Variants in ELL2 observed in about 807,000 individuals in gnomAD.
The protein encoded by ELL2 is elongation factor for RNA polymerase II 2.
In ELL2, 21 loss-of-function variants were observed where a neutral mutation model predicts 72.8. The observed-to-expected ratio is 0.29, with a 90% CI of 0.20 to 0.42. ELL2 has a LOEUF of 0.42. Among genes scored for constraint, ELL2 ranks in the 10% least tolerant of loss-of-function variants. The pLI, the probability that ELL2 is intolerant of heterozygous loss-of-function variation, is 1.00. For missense variants in ELL2, 568 were observed against 772.8 expected (o/e 0.73, Z 3.14); for synonymous variants, 266 against 283.2 (o/e 0.94, Z 0.61).
chr5:95,956,901 T>A (rs907795697), intron 1 of ELL2, among the ~76,000 whole-genome samples: 2 of 152,202 alleles, frequency 1.3e-5, no homozygotes, highest in African/African-American at 2.4e-5. Context: ...AAAAACATTA[T>A]CACTTTCCTA....
At chr5:95,951,317 C>T (rs993876081) in intron 1 of ELL2, among the ~76,000 whole-genome samples, 3 of 151,678 alleles carry the variant, frequency 2.0e-5, no homozygotes, top group Non-Finnish European at 1.5e-5. Flanking sequence ...TGCAGTAAGC[C>T]GAGATTGTGC....
intron 1 of ELL2, among the ~76,000 whole-genome samples, chr5:95,948,110 T>C (rs956582394): frequency 3.3e-5 from 5 of 152,104 alleles, no homozygotes; most frequent in African/African-American, 9.7e-5. Flanking sequence ...GAAAAGAACA[T>C]GTTAACTAGG....
At chr5:95,889,249 A>C in intron 10 of ELL2, 119 bp from the exon 11 acceptor site, 1 of 836,330 alleles carries the variant, frequency 1.2e-6, no homozygotes, top group Non-Finnish European at 1.8e-6. Flanking sequence ...ATGTAACTTG[A>C]AACAATCTTT....
intron 5 of ELL2, among the ~76,000 whole-genome samples, chr5:95,901,434 G>A (rs755517334): frequency 8.5e-5 from 13 of 152,116 alleles, no homozygotes; most frequent in Admixed American, 4.6e-4. Context: ...ATCTTCAAAG[G>A]ATACACTCAA....
intron 1 of ELL2, among the ~76,000 whole-genome samples, chr5:95,943,906 T>C (rs1447407891): frequency 6.6e-6 from 1 of 152,222 alleles, no homozygotes; most frequent in East Asian, 1.9e-4. Context: ...CACCAGCATA[T>C]TTTTCTATGG....
intron 3 of ELL2, among the ~76,000 whole-genome samples, chr5:95,916,820 G>T (rs80170957): frequency 0.014 from 2,199 of 151,886 alleles, 24 homozygotes; most frequent in Admixed American, 0.021. Flanking sequence ...GTGGGAGAGA[G>T]GGGGGAGAGT....
At chr5:95,958,473 A>T (rs910090991) in intron 1 of ELL2, among the ~76,000 whole-genome samples, 4 of 152,222 alleles carry the variant, frequency 2.6e-5, no homozygotes, top group African/African-American at 7.2e-5. Flanking sequence ...CCAACGGTAC[A>T]TTCAGTCACC....
intron 1 of ELL2, among the ~76,000 whole-genome samples, chr5:95,958,816 A>C (rs918959181): frequency 6.6e-6 from 1 of 152,184 alleles, no homozygotes; most frequent in Admixed American, 6.5e-5. Flanking sequence ...CAGACCCATA[A>C]ATGGGCATGT....
chr5:95,958,716 A>G (rs1275947369), intron 1 of ELL2, among the ~76,000 whole-genome samples: 6 of 152,192 alleles, frequency 3.9e-5, no homozygotes, highest in Non-Finnish European at 8.8e-5. Context: ...TCCTAGGACT[A>G]ATACAAGCTA....
At chr5:95,903,208 CTT>C (rs35628427) in intron 5 of ELL2, among the ~76,000 whole-genome samples, 12,026 of 55,186 alleles carry the variant, frequency 0.22, 761 homozygotes, top group East Asian at 0.29. Context: ...CTCTTAGGAC[CTT>C]TTTTTTTTTT....
chr5:95,907,630 C>T (rs1415752753), intron 4 of ELL2, among the ~76,000 whole-genome samples: 2 of 152,114 alleles, frequency 1.3e-5, no homozygotes, highest in Middle Eastern at 3.2e-3. Flanking sequence ...CTGACAATCC[C>T]AGCAACCGTT....
At chr5:95,921,573 C>T (rs1280697315) in intron 2 of ELL2, among the ~76,000 whole-genome samples, 3 of 152,222 alleles carry the variant, frequency 2.0e-5, no homozygotes, top group African/African-American at 7.2e-5. Context: ...TGTGCACGCT[C>T]AGCGCCTAGT....
At chr5:95,899,582 A>G (rs1204162263) in intron 7 of ELL2, among the ~76,000 whole-genome samples, 2 of 152,234 alleles carry the variant, frequency 1.3e-5, no homozygotes, top group Non-Finnish European at 2.9e-5. Context: ...GTCAACAACA[A>G]TAATAGTATT....
chr5:95,924,293 T>C (rs897819990), intron 2 of ELL2, among the ~76,000 whole-genome samples: 1 of 152,200 alleles, frequency 6.6e-6, no homozygotes, highest in African/African-American at 2.4e-5. Context: ...TTCAGGTTCA[T>C]GAAATACGAG....
At chr5:95,915,826 G>C (rs1288377431) in intron 3 of ELL2, among the ~76,000 whole-genome samples, 1 of 152,104 alleles carries the variant, frequency 6.6e-6, no homozygotes, top group Non-Finnish European at 1.5e-5. Context: ...AAGTTGGGAA[G>C]GACAATTACA....
In ELL2 at chr5:95,887,003, C is replaced by G. The variant is rs546659707; in HGVS notation, c.*1868G>C. On this transcript the variant is annotated 3_prime_UTR_variant, in exon 12 of 12. Transcript: ENST00000237853. ...GAGACTCTATCATAATAATATGATG[C>G]CTGAATTTATCCCCAATTAAGTTTC... 1 of 152,082 alleles carries G rather than the reference C, an allele frequency of 6.6e-6. No homozygotes were observed. Among genetic ancestry groups the G allele is most frequent in the Admixed American group, 6.5e-5 (1 of 15,270 alleles). The allele number at this position is 152,082 out of a possible 1,614,324, so 9.4% of individuals were successfully genotyped here.
At chr5:95,913,422 A>G (rs1749675744) in intron 4 of ELL2, 1 of 164,820 alleles carries the variant, frequency 6.1e-6, no homozygotes, top group Admixed American at 6.4e-5. Context: ...CAAAACAAGA[A>G]CCATAGTATC....
In ELL2 at chr5:95,927,766, CACACACACATATGTGTGTATATAGACAT is replaced by C. The variant is rs1580515451; in HGVS notation, c.196-8249_196-8222del. ...ACACATATGTGTGTATATAGACATACACACACACATATGTGTGTATATAGACATACACACACACATATGTGTGTATATA... is the reference window on the plus strand; with the variant it reads ...ACACATATGTGTGTATATAGACATACACACACACACATATGTGTGTATATA... On this transcript the variant is annotated intron_variant, in intron 2 of 11. Coordinates refer to ENST00000237853, the MANE Select transcript of ELL2 (RefSeq NM_012081.6). Among the ~76,000 whole-genome samples the C allele has an allele frequency of 1.2e-4, 6 of 51,942 alleles. 2 individuals carry two copies. Among genetic ancestry groups the C allele is most frequent in the Admixed American group, 1.1e-3 (6 of 5,694 alleles). 34.1% of individuals were successfully genotyped at this position (51,942 alleles called of 152,430 possible).
At chr5:95,933,166 G>A (rs968358528) in intron 2 of ELL2, among the ~76,000 whole-genome samples, 10 of 152,100 alleles carry the variant, frequency 6.6e-5, no homozygotes, top group South Asian at 4.1e-4. Context: ...TGGCACTTTC[G>A]AACAGCTGTG....
Sources: gnomAD v4.1 joint callset for allele counts (sites outside exome capture counted in the v4.1 genomes callset) on GRCh38, gnomAD v4.1.1 for gene constraint, MANE v1.5 for transcripts, NCBI Gene and HGNC (gene_info 2026-07-23, HGNC 2026-07-21) for gene names.